Variants in WNK3 observed in about 807,000 individuals in gnomAD.
The protein encoded by WNK3 is WNK lysine deficient protein kinase 3.
A neutral mutation model predicts 116.7 loss-of-function variants in WNK3; 18 were observed. That is an observed-to-expected ratio of 0.15 (90% CI 0.11 to 0.23). The LOEUF (loss-of-function observed/expected upper bound fraction) is 0.23, where lower values mean the gene tolerates loss of function less well. Among genes scored for constraint, WNK3 ranks in the 10% least tolerant of loss-of-function variants. WNK3 has a pLI of 1.00. For missense variants in WNK3, 993 were observed against 1,323.8 expected (o/e 0.75, Z 3.88); for synonymous variants, 404 against 469.4 (o/e 0.86, Z 1.80).
chrX:54,349,031 T>A (rs914472248), intron 1 of WNK3, among the ~76,000 whole-genome samples: 1 of 112,114 alleles, frequency 8.9e-6, no homozygotes, highest in African/African-American at 3.2e-5. Context: ...CATTACAAAA[T>A]GTAATTTGAA....
intron 2 of WNK3, among the ~76,000 whole-genome samples, chrX:54,328,485 G>A (rs2069131456): frequency 9.1e-6 from 1 of 110,463 alleles, no homozygotes. Context: ...GCTGGGGATG[G>A]TGGCCTATGC....
intron 10 of WNK3, among the ~76,000 whole-genome samples, chrX:54,271,435 A>G (rs2068383164): frequency 8.9e-6 from 1 of 112,191 alleles, no homozygotes; most frequent in South Asian, 3.6e-4. Flanking sequence ...TTTCAAACCC[A>G]AGTAACTTTG....
chrX:54,294,607 C>T (rs2068676295), exon 8 of WNK3: 19 of 1,203,040 alleles, frequency 1.6e-5, no homozygotes, highest in Non-Finnish European at 2.0e-5. Flanking sequence ...TGTTGTCTAA[C>T]ATGTTGATCA....
At chrX:54,312,669 C>A (rs1173165924) in intron 2 of WNK3, among the ~76,000 whole-genome samples, 5 of 110,651 alleles carry the variant, frequency 4.5e-5, no homozygotes, top group African/African-American at 1.6e-4. Flanking sequence ...AACTCTTGAC[C>A]TGAAGTGATC....
At chrX:54,227,477 T>C (rs1255787163) in intron 22 of WNK3, among the ~76,000 whole-genome samples, 2 of 112,315 alleles carry the variant, frequency 1.8e-5, no homozygotes, top group Non-Finnish European at 3.8e-5. Context: ...CCTGCTGTTA[T>C]GACTGTAAAA....
chrX:54,294,114 C>T (rs1048535827), intron 8 of WNK3, among the ~76,000 whole-genome samples: 1 of 110,612 alleles, frequency 9.0e-6, no homozygotes, highest in African/African-American at 3.3e-5. Flanking sequence ...CTGGGGAGGT[C>T]GAGGCTGCAG....
intron 10 of WNK3, among the ~76,000 whole-genome samples, chrX:54,286,391 T>G (rs782113523): frequency 1.8e-5 from 2 of 111,269 alleles, no homozygotes; most frequent in East Asian, 5.7e-4. Context: ...ATTTATGCCC[T>G]TGATGAAGAG....
At chrX:54,292,768 C>G in intron 10 of WNK3, 120 bp downstream of exon 10, 2 of 572,962 alleles carry the variant, frequency 3.5e-6, no homozygotes, top group Non-Finnish European at 5.1e-6. Flanking sequence ...CAACTTTTAG[C>G]TTTTGGTGAC....
intron 10 of WNK3, among the ~76,000 whole-genome samples, chrX:54,272,331 T>C (rs1373120310): frequency 9.0e-6 from 1 of 110,742 alleles, no homozygotes; most frequent in Non-Finnish European, 1.9e-5. Flanking sequence ...TGCCTCAGAC[T>C]CAGCTACCTG....
At chrX:54,211,001 G>A (rs2067606602) in intron 22 of WNK3, among the ~76,000 whole-genome samples, 1 of 112,074 alleles carries the variant, frequency 8.9e-6, no homozygotes, top group African/African-American at 3.2e-5. Flanking sequence ...GCAAAGTGGG[G>A]CATTCTGAGA....
At chrX:54,270,045 T>C (rs1295044789) in intron 10 of WNK3, among the ~76,000 whole-genome samples, 3 of 111,865 alleles carry the variant, frequency 2.7e-5, no homozygotes, top group Non-Finnish European at 3.8e-5. Flanking sequence ...TTTAACTTTC[T>C]TTATACATTT....
chrX:54,289,541 T>G (rs1275980636), intron 10 of WNK3, among the ~76,000 whole-genome samples: 2 of 111,075 alleles, frequency 1.8e-5, no homozygotes, highest in African/African-American at 3.3e-5. Context: ...CTGCTGAACA[T>G]TTTTCTGTGG....
At chrX:54,208,918 C>T (rs1407087670) in intron 22 of WNK3, among the ~76,000 whole-genome samples, 1 of 111,853 alleles carries the variant, frequency 8.9e-6, no homozygotes, top group African/African-American at 3.2e-5. Context: ...AACAGGTGTA[C>T]ACATTTCTAC....
chrX:54,249,521 C>T, exon 17 of WNK3: 1 of 1,211,741 alleles, frequency 8.3e-7, no homozygotes, highest in East Asian at 3.0e-5. Context: ...ATCTTACCAT[C>T]AACCACATCC....
chrX:54,324,441 T>C (rs782049359), intron 2 of WNK3, among the ~76,000 whole-genome samples: 8 of 112,234 alleles, frequency 7.1e-5, no homozygotes, highest in Non-Finnish European at 1.5e-4. Flanking sequence ...CTCAACTAAC[T>C]GGGGAAATTA....
intron 23 of WNK3, among the ~76,000 whole-genome samples, chrX:54,200,278 C>T (rs1165541309): frequency 8.9e-6 from 1 of 111,933 alleles, no homozygotes; most frequent in Non-Finnish European, 1.9e-5. Flanking sequence ...AGGGATCATA[C>T]TTGTTTTTAC....
At position 54,263,665 on chromosome X, in the gene WNK3, T is replaced by C. The variant is rs976680975; in HGVS notation, c.2038-4327A>G. ...AACTTTCCTCAAGTCACACAGTGAG[T>C]TCAAAGAGCCAGAGTTGAAATCCAG... On this transcript the variant is annotated intron_variant, in intron 10 of 23. Coordinates refer to ENST00000354646, the Ensembl canonical transcript of WNK3. Among the ~76,000 whole-genome samples the C allele has an allele frequency of 3.6e-5, 4 of 111,297 alleles. No homozygotes were observed. In the South Asian group the frequency reaches 1.5e-3, roughly 42 times the overall value.
chrX:54,288,302 G>C (rs1160199496), intron 10 of WNK3, among the ~76,000 whole-genome samples: 2 of 111,580 alleles, frequency 1.8e-5, no homozygotes, highest in African/African-American at 6.5e-5. Context: ...TGTTTGTAAT[G>C]GTGTTTGGAA....
intron 13 of WNK3, among the ~76,000 whole-genome samples, chrX:54,252,306 G>A (rs139359946): frequency 7.1e-4 from 78 of 110,612 alleles, no homozygotes; most frequent in African/African-American, 2.5e-3. Context: ...ACATAACTGA[G>A]GCAATGTTTA....
Sources: gnomAD v4.1 joint callset for allele counts (sites outside exome capture counted in the v4.1 genomes callset) on GRCh38, gnomAD v4.1.1 for gene constraint, MANE v1.5 for transcripts, NCBI Gene and HGNC (gene_info 2026-07-23, HGNC 2026-07-21) for gene names.